UGT2B4: variants seen among roughly 807,000 people sequenced by gnomAD.
UGT2B4 encodes UDP-glucuronosyltransferase 2B4.
In UGT2B4, 49 loss-of-function variants were observed where a neutral mutation model predicts 49.8. The observed-to-expected ratio is 0.98, with a 90% CI of 0.78 to 1.25. The LOEUF (loss-of-function observed/expected upper bound fraction) is 1.25, where lower values mean the gene tolerates loss of function less well. UGT2B4 is among the 50% of genes most tolerant of loss of function. The pLI is 0.00. For missense variants in UGT2B4, 729 were observed against 627.7 expected (o/e 1.16, Z -1.73); for synonymous variants, 246 against 217.7 (o/e 1.13, Z -1.14).
At chr4:69,519,092 G>A (rs1422195866) in intron 1 of UGT2B4, among the ~76,000 whole-genome samples, 1 of 152,152 alleles carries the variant, frequency 6.6e-6, no homozygotes, top group East Asian at 1.9e-4. Flanking sequence ...GAGAGCAGAA[G>A]CCTACAGAAG....
chr4:69,514,441 T>A (rs1275952497), intron 1 of UGT2B4, among the ~76,000 whole-genome samples: 9 of 152,212 alleles, frequency 5.9e-5, no homozygotes, highest in African/African-American at 2.2e-4. Context: ...CCTATTGGAA[T>A]ACCTTTTATT....
intron 1 of UGT2B4, among the ~76,000 whole-genome samples, chr4:69,508,523 GA>G (rs1395717196): frequency 6.6e-6 from 1 of 152,054 alleles, no homozygotes; most frequent in Non-Finnish European, 1.5e-5. Context: ...ATGCAGCCAG[GA>G]AAAAAAGAAT....
Position 69,480,444 on chromosome 4 carries a change from T to C in UGT2B4, c.*190A>G. Reference sequence around the variant, plus strand: ...ATATCATTTTTGTTTTCCCTAATGTTTTCCTCCTTGACATGAAATATTTCT... The same window carrying C: ...ATATCATTTTTGTTTTCCCTAATGTCTTCCTCCTTGACATGAAATATTTCT... On this transcript the variant is annotated 3_prime_UTR_variant, in exon 6 of 6. Coordinates refer to ENST00000305107, the MANE Select transcript of UGT2B4 (RefSeq NM_021139.3). The C allele has an allele frequency of 1.3e-6, 1 of 785,328 alleles. No individual in the cohort carries two copies. The highest frequency in any genetic ancestry group is 1.9e-6 in the Non-Finnish European group (1 of 517,900). The allele number at this position is 785,328 out of a possible 1,614,324, so 48.6% of individuals were successfully genotyped here.
rs1259714505 is a variant in UGT2B4 at position 69,510,982 on chromosome 4, C to CTT, written c.-106+14703_-106+14704dup. On this transcript the variant is annotated intron_variant, in intron 1 of 1. Transcript: ENST00000510114. ...GCTTTTCATAAATACTCTTTCTTTT[C>CTT]TTTTCTTCTTTTTTTTTTTTTTTTT... Among the ~76,000 whole-genome samples the CTT allele has an allele frequency of 2.4e-3, 267 of 110,868 alleles. 4 individuals carry two copies. The highest frequency in any genetic ancestry group is 3.1e-3 in the African/African-American group (92 of 29,476). 72.7% of individuals were successfully genotyped at this position (110,868 alleles called of 152,430 possible). A position where few individuals can be genotyped will look rare whatever the true frequency, so the allele number is the denominator to read the frequency against.
intron 2 of UGT2B4, among the ~76,000 whole-genome samples, chr4:69,492,131 G>T (rs180960611): frequency 1.3e-5 from 2 of 152,126 alleles, no homozygotes; most frequent in African/African-American, 4.8e-5. Context: ...ACGAGTGGTA[G>T]AAATTATTTG....
chr4:69,522,337 G>A (rs535621811), intron 1 of UGT2B4, among the ~76,000 whole-genome samples: 10 of 152,128 alleles, frequency 6.6e-5, no homozygotes, highest in Non-Finnish European at 1.2e-4. Context: ...TAGACTATCC[G>A]TTAGGTGGGA....
intron 1 of UGT2B4, among the ~76,000 whole-genome samples, chr4:69,494,210 C>T (rs41299996): frequency 0.018 from 2,708 of 152,160 alleles, 72 homozygotes; most frequent in African/African-American, 0.061. Context: ...TCAATTAATT[C>T]TACCATACCC....
chr4:69,491,696 T>G (rs999897058), intron 2 of UGT2B4, among the ~76,000 whole-genome samples: 2 of 152,140 alleles, frequency 1.3e-5, no homozygotes, highest in African/African-American at 4.8e-5. Flanking sequence ...TCAATCTTTT[T>G]CTTATCCTTC....
intron 1 of UGT2B4, among the ~76,000 whole-genome samples, chr4:69,520,310 C>T (rs1728818496): frequency 6.6e-6 from 1 of 152,134 alleles, no homozygotes; most frequent in South Asian, 2.1e-4. Context: ...AGCTCTCAGC[C>T]CGTACGACAC....
intron 5 of UGT2B4, among the ~76,000 whole-genome samples, 181 bp from the exon 6 acceptor site, chr4:69,481,091 G>GAAAAAAAATAAAAAAA (rs1727575431): frequency 1.5e-5 from 1 of 67,824 alleles, no homozygotes; most frequent in Non-Finnish European, 2.6e-5. Flanking sequence ...GTAAAAATAT[G>GAAAAAAAATAAAAAAA]AAAAAAAAAA....
intron 1 of UGT2B4, among the ~76,000 whole-genome samples, chr4:69,521,998 G>A (rs1227657300): frequency 1.3e-5 from 2 of 152,140 alleles, no homozygotes; most frequent in Non-Finnish European, 2.9e-5. Flanking sequence ...GATTTAACGG[G>A]CATATATAGC....
chr4:69,481,751 A>G (rs760855048), intron 5 of UGT2B4, among the ~76,000 whole-genome samples: 1 of 152,152 alleles, frequency 6.6e-6, no homozygotes, highest in Non-Finnish European at 1.5e-5. Flanking sequence ...AAAGATATAC[A>G]CCTTAAAATA....
At chr4:69,524,312 A>G (rs1337525055) in intron 1 of UGT2B4, among the ~76,000 whole-genome samples, 1 of 151,976 alleles carries the variant, frequency 6.6e-6, no homozygotes, top group Non-Finnish European at 1.5e-5. Context: ...AACACGTGGT[A>G]CTCTCTCTTT....
chr4:69,495,230 AC>A lies in UGT2B4; in HGVS notation c.631del (p.Val211Ter). The A allele has an allele frequency of 6.2e-7, 1 of 1,608,604 alleles. No individual in the cohort carries two copies. Among genetic ancestry groups the A allele is most frequent in the Non-Finnish European group, 8.5e-7 (1 of 1,178,600 alleles). ...LSDQMTFIER[V>X]KNMIYVLYFE... ...ATAAAGCACATAGATCATATTTTTT[AC>A]CCTCTCTATGAAAGTCATTTGGTCA... is the stretch of plus-strand genomic sequence containing the variant. On this transcript the variant is annotated frameshift_variant, in exon 1 of 6. Coordinates refer to ENST00000305107, the MANE Select transcript of UGT2B4 (RefSeq NM_021139.3). LOFTEE classifies it high-confidence loss of function.
At chr4:69,511,925 G>A (rs552665603) in intron 1 of UGT2B4, among the ~76,000 whole-genome samples, 5 of 151,812 alleles carry the variant, frequency 3.3e-5, no homozygotes, top group Admixed American at 2.0e-4. Context: ...TTTCTTCTAC[G>A]TTGTCCAGTT....
At chr4:69,524,683 C>A (rs1201983665) in intron 1 of UGT2B4, among the ~76,000 whole-genome samples, 1 of 112,262 alleles carries the variant, frequency 8.9e-6, no homozygotes, top group Non-Finnish European at 1.8e-5. Context: ...AAGATTGCCA[C>A]AAACCCTCAA....
At chr4:69,493,146 G>GT (rs1280196093) in intron 2 of UGT2B4, among the ~76,000 whole-genome samples, 8 of 151,682 alleles carry the variant, frequency 5.3e-5, no homozygotes, top group Non-Finnish European at 7.4e-5. Context: ...TTCTTTTTGT[G>GT]TTTTTTTCTC....
At chr4:69,488,847 C>T (rs895093776) in intron 3 of UGT2B4, among the ~76,000 whole-genome samples, 12 of 151,944 alleles carry the variant, frequency 7.9e-5, no homozygotes, top group African/African-American at 2.9e-4. Flanking sequence ...TCCAAATCTG[C>T]CTAGCTCTGC....
In UGT2B4 at chr4:69,480,716, GC is replaced by G. The variant is rs1727557637; in HGVS notation, c.1504del (p.Ala502GlnfsTer3). 4 of 1,613,902 alleles carry G rather than the reference GC, an allele frequency of 2.5e-6. No individual in the cohort carries two copies. In the East Asian group the frequency reaches 6.7e-5, roughly 27 times the overall value. On this transcript the variant is annotated frameshift_variant, in exon 6 of 6. Transcript: ENST00000305107. LOFTEE classifies it high-confidence loss of function. ...DVTGFLLACV[A>X]TVIFIITKCL... ...TTTTGTGATGATGAATATCACAGTTGCCACACAGGCCAGCAGGAACCCAGTC... is the reference window on the plus strand; with the variant it reads ...TTTTGTGATGATGAATATCACAGTTGCACACAGGCCAGCAGGAACCCAGTC...
Sources: gnomAD v4.1 joint callset for allele counts (sites outside exome capture counted in the v4.1 genomes callset) on GRCh38, gnomAD v4.1.1 for gene constraint, MANE v1.5 for transcripts, NCBI Gene and HGNC (gene_info 2026-07-23, HGNC 2026-07-21) for gene names.